Variants in MYCBP2 observed in about 807,000 individuals in gnomAD.
MYCBP2 encodes MYC binding protein 2.
In MYCBP2, 120 loss-of-function variants were observed where a neutral mutation model predicts 525.3. The observed-to-expected ratio is 0.23, with a 90% CI of 0.20 to 0.27. The LOEUF is 0.27. Ranked by LOEUF, MYCBP2 falls within the 10% of genes least tolerant of loss-of-function variation. MYCBP2 has a pLI of 1.00. For missense variants in MYCBP2, 4,149 were observed against 5,657.1 expected (o/e 0.73, Z 8.55); for synonymous variants, 1,894 against 1,955.8 (o/e 0.97, Z 0.83).
Position 77,260,583 on chromosome 13 carries a change from C to T in MYCBP2, c.1862G>A (p.Arg621Lys), listed in dbSNP as rs1162233228. ...KGEDGESTKSRRQSKPYKPKK... is the reference protein window; with the variant it reads ...KGEDGESTKSKRQSKPYKPKK... ...AGGTTTATAAGGTTTGGATTGCCGT[C>T]TGCTCTTAGCTTTAAAAAAGAAATT... The change falls in exon 13 of 83, where the codon AGA (arginine) becomes AAA (lysine). Residue 621 changes from arginine (R) to lysine (K), a missense_variant. Physicochemically the swap from Arg to Lys is conservative, Grantham distance 26. This residue lies in a region of MYCBP2 where 262 missense variants were observed against 419.3 expected (regional missense o/e 0.62). Coordinates refer to ENST00000544440, the MANE Select transcript of MYCBP2 (RefSeq NM_015057.5). 1.3e-6 allele frequency: 2 copies of T among 1,590,554 alleles called. No individual in the cohort carries two copies. Among genetic ancestry groups the T allele is most frequent in the South Asian group, 2.3e-5 (2 of 85,602 alleles).
intron 76 of MYCBP2, 57 bp downstream of exon 76, chr13:77,061,112 C>T (rs972277191): frequency 1.3e-5 from 20 of 1,530,896 alleles, no homozygotes; most frequent in African/African-American, 5.6e-5. Flanking sequence ...TCAGTTGGCA[C>T]GGTTTAATCT....
intron 8 of MYCBP2, among the ~76,000 whole-genome samples, chr13:77,266,790 T>TAG: frequency 7.9e-6 from 1 of 126,720 alleles, no homozygotes; most frequent in South Asian, 2.5e-4. Flanking sequence ...TATCTGAAAA[T>TAG]AGATGGTTAT....
intron 2 of MYCBP2, among the ~76,000 whole-genome samples, chr13:77,290,947 A>G (rs997352824): frequency 5.9e-5 from 9 of 152,228 alleles, no homozygotes; most frequent in Non-Finnish European, 8.8e-5. Flanking sequence ...ATAATTGTAA[A>G]TAAAAGTAAT....
chr13:77,264,661 A>C (rs192136972), intron 8 of MYCBP2, among the ~76,000 whole-genome samples: 3 of 152,272 alleles, frequency 2.0e-5, no homozygotes, highest in Admixed American at 2.0e-4. Context: ...TCAATACTGC[A>C]TGTATCTCCA....
chr13:77,290,569 A>G (rs1486980549), intron 2 of MYCBP2, among the ~76,000 whole-genome samples: 1 of 152,220 alleles, frequency 6.6e-6, no homozygotes, highest in African/African-American at 2.4e-5. Context: ...TGTGAATCTC[A>G]AAGACATTTT....
intron 17 of MYCBP2, among the ~76,000 whole-genome samples, chr13:77,239,604 T>A (rs2068506738): frequency 6.6e-6 from 1 of 152,212 alleles, no homozygotes; most frequent in African/African-American, 2.4e-5. Context: ...TCTCACACTT[T>A]GGGACCATCA....
chr13:77,226,125 A>C (rs1009936277), intron 18 of MYCBP2, among the ~76,000 whole-genome samples: 3 of 152,148 alleles, frequency 2.0e-5, no homozygotes, highest in Non-Finnish European at 4.4e-5. Context: ...GCCTATTCTT[A>C]TTCATGTTTC....
rs1594420890 is a variant in MYCBP2 at position 77,089,127 on chromosome 13, G to A, written c.10526-96C>T. 3.3e-6 allele frequency: 3 copies of A among 918,500 alleles called. No homozygotes were observed. The Admixed American group carries it at 9.2e-5, about 28-fold the overall frequency. 56.9% of individuals were successfully genotyped at this position (918,500 alleles called of 1,614,324 possible). A position where few individuals can be genotyped will look rare whatever the true frequency, so the allele number is the denominator to read the frequency against. On this transcript the variant is annotated intron_variant, in intron 60 of 82. Transcript: ENST00000544440. ...ATATTCACTTAAAGCCTTTGTCATTGGTTTTTTGAACATGACACAAATCAT... is the reference window on the plus strand; with the variant it reads ...ATATTCACTTAAAGCCTTTGTCATTAGTTTTTTGAACATGACACAAATCAT...
intron 82 of MYCBP2, among the ~76,000 whole-genome samples, chr13:77,047,357 T>C (rs1287017110): frequency 3.0e-4 from 45 of 152,172 alleles, no homozygotes; most frequent in Non-Finnish European, 1.0e-4. Context: ...AATACCTAAC[T>C]CATGGGGTGC....
chr13:77,309,711 T>C (rs114759769), intron 1 of MYCBP2, among the ~76,000 whole-genome samples: 2,033 of 152,328 alleles, frequency 0.013, 45 homozygotes, highest in African/African-American at 0.045. Flanking sequence ...ACTGTCTCTT[T>C]AAAGGTAGCC....
intron 17 of MYCBP2, among the ~76,000 whole-genome samples, chr13:77,238,143 T>A (rs1414529052): frequency 6.9e-6 from 1 of 145,554 alleles, no homozygotes; most frequent in African/African-American, 2.6e-5. Context: ...CTCGGGAGGC[T>A]GAGGCAGAAG....
At chr13:77,048,180 T>C (rs1053718420) in intron 82 of MYCBP2, among the ~76,000 whole-genome samples, 1 of 151,966 alleles carries the variant, frequency 6.6e-6, no homozygotes, top group Non-Finnish European at 1.5e-5. Flanking sequence ...TGAATGGGAT[T>C]AGTGCTCTTC....
At chr13:77,084,181 A>C (rs769227434) in intron 62 of MYCBP2, among the ~76,000 whole-genome samples, 1 of 152,202 alleles carries the variant, frequency 6.6e-6, no homozygotes, top group Non-Finnish European at 1.5e-5. Context: ...ATATATGATA[A>C]GGAGAACTTC....
intron 1 of MYCBP2, among the ~76,000 whole-genome samples, chr13:77,321,743 AT>A: frequency 6.6e-6 from 1 of 152,358 alleles, no homozygotes; most frequent in Non-Finnish European, 1.5e-5. Flanking sequence ...TTTCTTGGTC[AT>A]TTCATTTAAC....
rs113443182 is a variant in MYCBP2 at position 77,178,146 on chromosome 13, C to G, written c.5134-192G>C. On this transcript the variant is annotated intron_variant, in intron 34 of 82. Transcript: ENST00000544440. ...TCATTCTAAATTCACAAATCAATGT[C>G]ACTTGACAGTATTTTCTTCCTTTAG... Among the ~76,000 whole-genome samples the G allele has an allele frequency of 6.5e-3, 988 of 152,300 alleles. 6 individuals carry two copies. Among genetic ancestry groups the G allele is most frequent in the African/African-American group, 0.023 (942 of 41,544 alleles).
intron 55 of MYCBP2, among the ~76,000 whole-genome samples, chr13:77,116,501 T>A (rs1227581211): frequency 6.6e-6 from 1 of 152,038 alleles, no homozygotes; most frequent in African/African-American, 2.4e-5. Context: ...CATACTTTTT[T>A]TTGTGATGCT....
At position 77,067,600 on chromosome 13, in the gene MYCBP2, G is replaced by A. The variant is rs759309517; in HGVS notation, c.12436C>T (p.Pro4146Ser). 7 of 1,613,888 alleles carry A rather than the reference G, an allele frequency of 4.3e-6. No homozygotes were observed. The Admixed American group carries it at 1.2e-4, about 27-fold the overall frequency. Residue 4146 changes from proline to serine, a missense_variant, in exon 71 of 83, where the codon CCG becomes TCG. Pro to Ser is a moderately conservative substitution (Grantham distance 74, BLOSUM62 -1). Coordinates refer to ENST00000544440, the MANE Select transcript of MYCBP2 (RefSeq NM_015057.5). ...VGKGVTTVTL[P>S]MIFNSSYLRR... Reference sequence around the variant, plus strand: ...ACTAACCTGGAATTGAAAATCATCGGAAGAGTAACTGTTGTAACTCCTTTG... The same window carrying A: ...ACTAACCTGGAATTGAAAATCATCGAAAGAGTAACTGTTGTAACTCCTTTG...
intron 20 of MYCBP2, among the ~76,000 whole-genome samples, chr13:77,222,013 A>G (rs565911247): frequency 2.0e-5 from 3 of 152,232 alleles, no homozygotes; most frequent in African/African-American, 4.8e-5. Context: ...TTAGGAAATA[A>G]TAACAAGACA....
intron 1 of MYCBP2, among the ~76,000 whole-genome samples, chr13:77,301,106 T>C (rs1273324924): frequency 6.6e-6 from 1 of 151,934 alleles, no homozygotes; most frequent in African/African-American, 2.4e-5. Context: ...ACTGGAACAC[T>C]GAAGGATGAT....
Sources: allele counts gnomAD v4.1 joint callset (sites outside exome capture counted in the v4.1 genomes callset), GRCh38; gene constraint gnomAD v4.1.1; regional missense constraint gnomAD v4.1.1; transcripts MANE v1.5; gene names NCBI Gene and HGNC (gene_info 2026-07-23, HGNC 2026-07-21).